Variants in SLC4A10 observed in about 807,000 individuals in gnomAD.
SLC4A10 encodes solute carrier family 4 member 10, also known as sodium-driven chloride bicarbonate exchanger.
In SLC4A10, 42 loss-of-function variants were observed where a neutral mutation model predicts 137.7. That is an observed-to-expected ratio of 0.30 (90% CI 0.24 to 0.39). The LOEUF (loss-of-function observed/expected upper bound fraction) is 0.39. Ranked by LOEUF, SLC4A10 falls within the 10% of genes least tolerant of loss-of-function variation. The probability of loss-of-function intolerance (pLI) is 1.00; values close to 1 mark genes in which losing one functional copy is unlikely to be tolerated. For missense variants in SLC4A10, 925 were observed against 1,355.0 expected, an observed-to-expected ratio of 0.68 and a Z score of 4.98; for synonymous variants, 474 against 464.1, an observed-to-expected ratio of 1.02 and a Z score of -0.27.
chr2:161,807,339 G>T (rs112539013), intron 3 of SLC4A10, among the ~76,000 whole-genome samples: 2 of 152,100 alleles, frequency 1.3e-5, no homozygotes, highest in East Asian at 3.8e-4. Flanking sequence ...GTTGTTAAAA[G>T]GTTCTGAATG....
At chr2:161,852,147 A>G (rs999326490) in intron 4 of SLC4A10, among the ~76,000 whole-genome samples, 1 of 152,232 alleles carries the variant, frequency 6.6e-6, no homozygotes, top group Admixed American at 6.5e-5. Flanking sequence ...AACAGGGATG[A>G]CAGAAAGTAC....
At chr2:161,763,731 C>A (rs2050504744) in intron 1 of SLC4A10, among the ~76,000 whole-genome samples, 1 of 152,106 alleles carries the variant, frequency 6.6e-6, no homozygotes, top group Non-Finnish European at 1.5e-5. Context: ...CATGGCTGAA[C>A]TTAACCAGAA....
chr2:161,825,310 T>C (rs1437893697), intron 3 of SLC4A10, among the ~76,000 whole-genome samples: 3 of 152,152 alleles, frequency 2.0e-5, no homozygotes, highest in Admixed American at 1.3e-4. Flanking sequence ...CTCCATCATC[T>C]TCCTAGCTCT....
chr2:161,776,052 A>G (rs2125446064), intron 2 of SLC4A10, among the ~76,000 whole-genome samples: 1 of 151,986 alleles, frequency 6.6e-6, no homozygotes, highest in South Asian at 2.1e-4. Flanking sequence ...TAGGAATAGC[A>G]TAAGATTTAC....
intron 15 of SLC4A10, among the ~76,000 whole-genome samples, chr2:161,938,752 G>C (rs886167579): frequency 1.3e-5 from 2 of 150,144 alleles, no homozygotes; most frequent in East Asian, 3.9e-4. Context: ...AAGAGATTTT[G>C]AGATAATTTG....
At chr2:161,735,748 C>G (rs951348981) in intron 1 of SLC4A10, among the ~76,000 whole-genome samples, 4 of 152,196 alleles carry the variant, frequency 2.6e-5, no homozygotes, top group Non-Finnish European at 4.4e-5. Context: ...CGGCTTGACT[C>G]TGTCCTTTAG....
At chr2:161,810,420 G>A (rs1397937603) in intron 3 of SLC4A10, among the ~76,000 whole-genome samples, 1 of 152,026 alleles carries the variant, frequency 6.6e-6, no homozygotes, top group Non-Finnish European at 1.5e-5. Context: ...GGAGTGGTAA[G>A]AGTAGGCATC....
At chr2:161,810,210 A>G (rs564313297) in intron 3 of SLC4A10, among the ~76,000 whole-genome samples, 6 of 152,036 alleles carry the variant, frequency 3.9e-5, no homozygotes, top group Non-Finnish European at 5.9e-5. Flanking sequence ...ACTTTTGTAC[A>G]TTGATTTTGT....
Position 161,777,525 on chromosome 2 carries a change from GA to G in SLC4A10, c.130+6474del, listed in dbSNP as rs375889697. Among the ~76,000 whole-genome samples, 59 of 152,118 alleles carry G rather than the reference GA, an allele frequency of 3.9e-4. No individual in the cohort carries two copies. In the South Asian group the frequency reaches 5.6e-3, roughly 14 times the overall value. On this transcript the variant is annotated intron_variant, in intron 2 of 26. Transcript: ENST00000446997. Reference sequence around the variant, plus strand: ...ACCCAAGATTGAGCAATTTACAAAAGAAAGTGGTTTAATGCACTTACAGTTC... The same window carrying G: ...ACCCAAGATTGAGCAATTTACAAAAGAAGTGGTTTAATGCACTTACAGTTC...
intron 1 of SLC4A10, among the ~76,000 whole-genome samples, chr2:161,703,848 G>T (rs1360693169): frequency 6.6e-6 from 1 of 151,686 alleles, no homozygotes; most frequent in Non-Finnish European, 1.5e-5. Flanking sequence ...CTGACCCTAT[G>T]TGTTGTGGCA....
intron 3 of SLC4A10, among the ~76,000 whole-genome samples, chr2:161,813,109 C>T (rs980824299): frequency 2.0e-5 from 3 of 151,638 alleles, no homozygotes; most frequent in Admixed American, 1.3e-4. Context: ...TCATTTTATC[C>T]TAAAGTAGAC....
chr2:161,881,147 C>CT (rs34527167), intron 9 of SLC4A10, among the ~76,000 whole-genome samples: 1 of 151,846 alleles, frequency 6.6e-6, no homozygotes, highest in Non-Finnish European at 1.5e-5. Context: ...TCTTATTATC[C>CT]TTTTTTTGGG....
intron 2 of SLC4A10, among the ~76,000 whole-genome samples, chr2:161,784,953 A>C (rs2053461476): frequency 6.6e-6 from 1 of 151,512 alleles, no homozygotes; most frequent in Non-Finnish European, 1.5e-5. Context: ...AAATCAATGA[A>C]ATTGGGTTTT....
chr2:161,947,368 A>G (rs925536638), intron 16 of SLC4A10, among the ~76,000 whole-genome samples, 198 bp from the exon 17 acceptor site: 1 of 152,134 alleles, frequency 6.6e-6, no homozygotes, highest in Non-Finnish European at 1.5e-5. Context: ...CAAATTTTTC[A>G]TAAACCTTTG....
At position 161,696,911 on chromosome 2, in the gene SLC4A10, C is replaced by A. The variant is rs565683397; in HGVS notation, c.48+72345C>A. 8.5e-5 allele frequency among the ~76,000 whole-genome samples: 13 copies of A among 152,260 alleles called. 1 individual carries two copies. The South Asian group carries it at 2.5e-3, about 29-fold the overall frequency. ...CTTCCACAATGGTTGAACTAGTTTA[C>A]AGTTCCACCAACAGTGTAAAAGTGT... On this transcript the variant is annotated intron_variant, in intron 1 of 26. Coordinates refer to ENST00000446997, the MANE Select transcript of SLC4A10 (RefSeq NM_001178015.2).
intron 1 of SLC4A10, among the ~76,000 whole-genome samples, chr2:161,640,162 G>A (rs1408315242): frequency 6.6e-6 from 1 of 151,826 alleles, no homozygotes; most frequent in Non-Finnish European, 1.5e-5. Context: ...TTTATTTTCT[G>A]GGTCATAATC....
At chr2:161,812,023 A>T (rs2056598261) in intron 3 of SLC4A10, among the ~76,000 whole-genome samples, 1 of 152,046 alleles carries the variant, frequency 6.6e-6, no homozygotes. Flanking sequence ...TTTTACTTTT[A>T]AATATCTCTC....
At chr2:161,768,340 C>G (rs1040762990) in intron 1 of SLC4A10, among the ~76,000 whole-genome samples, 2 of 151,992 alleles carry the variant, frequency 1.3e-5, no homozygotes, top group African/African-American at 4.8e-5. Context: ...GGAATAGTGT[C>G]AGTTCAGAGA....
intron 5 of SLC4A10, among the ~76,000 whole-genome samples, chr2:161,861,523 T>C (rs972175669): frequency 2.6e-5 from 4 of 152,190 alleles, no homozygotes; most frequent in African/African-American, 9.7e-5. Flanking sequence ...AAAATTGTTT[T>C]ATGTAGTTTA....
Sources: allele counts gnomAD v4.1 joint callset (sites outside exome capture counted in the v4.1 genomes callset), GRCh38; gene constraint gnomAD v4.1.1; transcripts MANE v1.5; gene names NCBI Gene and HGNC (gene_info 2026-07-23, HGNC 2026-07-21).